Variants in SYT1 observed in about 807,000 individuals in gnomAD.
SYT1 encodes synaptotagmin 1, also known as synaptotagmin-1.
A neutral mutation model predicts 44.8 loss-of-function variants in SYT1; 8 were observed. The ratio of observed to expected loss-of-function variants is 0.18; its 90% CI spans 0.10 to 0.32. The LOEUF is 0.32. Ranked by LOEUF, SYT1 falls within the 10% of genes least tolerant of loss-of-function variation. SYT1 has a pLI of 1.00. For missense variants in SYT1, 286 were observed against 509.3 expected (o/e 0.56, Z 4.22); for synonymous variants, 154 against 188.8 (o/e 0.82, Z 1.51).
At chr12:79,093,882 T>A (rs755328242) in intron 3 of SYT1, among the ~76,000 whole-genome samples, 38 of 151,686 alleles carry the variant, frequency 2.5e-4, no homozygotes, top group Admixed American at 1.3e-3. Flanking sequence ...CCAGTGAAAA[T>A]CTAGGAAGTA....
At chr12:78,896,257 G>C (rs147092052) in intron 1 of SYT1, among the ~76,000 whole-genome samples, 4,529 of 151,596 alleles carry the variant, frequency 0.03, 102 homozygotes, top group Non-Finnish European at 0.046. Context: ...CTATGGTTTT[G>C]CTAAATAGTG....
chr12:79,402,681 CTG>C (rs1305222257), intron 9 of SYT1, among the ~76,000 whole-genome samples: 1 of 152,136 alleles, frequency 6.6e-6, no homozygotes, highest in Non-Finnish European at 1.5e-5. Context: ...GTAGAGATCT[CTG>C]TGAAAGCTCA....
At chr12:79,373,357 TA>T (rs1320884210) in intron 9 of SYT1, among the ~76,000 whole-genome samples, 1 of 152,114 alleles carries the variant, frequency 6.6e-6, no homozygotes, top group Non-Finnish European at 1.5e-5. Flanking sequence ...TATAGTAATA[TA>T]AAATGGACAT....
In SYT1 at chr12:79,232,953, T is replaced by C. The variant is rs1875955155; in HGVS notation, c.166+15268T>C. Among the ~76,000 whole-genome samples, 5 of 152,230 alleles carry C rather than the reference T, an allele frequency of 3.3e-5. No individual in the cohort carries two copies. In the South Asian group the frequency reaches 1.0e-3, roughly 32 times the overall value. On this transcript the variant is annotated intron_variant, in intron 4 of 10. Transcript: ENST00000261205. ...TTCTGCCATGCCCTCTACCCCACTC[T>C]ACTTTACAATACATCTTTGCTTTTT...
intron 3 of SYT1, among the ~76,000 whole-genome samples, chr12:79,123,309 ATGTGTGTGTGTGTG>A (rs66869713): frequency 2.6e-4 from 37 of 141,632 alleles, no homozygotes; most frequent in African/African-American, 8.8e-4. Flanking sequence ...TAAAAATGCA[ATGTGTGTGTGTGTG>A]TGTGTGTGTG....
At chr12:79,440,353 TA>T (rs1870340091) in intron 9 of SYT1, among the ~76,000 whole-genome samples, 1 of 152,206 alleles carries the variant, frequency 6.6e-6, no homozygotes, top group Non-Finnish European at 1.5e-5. Context: ...TGTCAGTATT[TA>T]GATGATGAAG....
intron 8 of SYT1, among the ~76,000 whole-genome samples, chr12:79,324,037 A>G (rs60090058): frequency 0.024 from 3,257 of 134,860 alleles, 111 homozygotes; most frequent in African/African-American, 0.087. Context: ...TACCACCTCC[A>G]CCTCCCGTGT....
chr12:79,409,444 A>G (rs1332338016), intron 9 of SYT1, among the ~76,000 whole-genome samples: 2 of 152,228 alleles, frequency 1.3e-5, no homozygotes, highest in East Asian at 3.9e-4. Flanking sequence ...CAACTGCACA[A>G]AATTTTTGAT....
intron 6 of SYT1, among the ~76,000 whole-genome samples, chr12:79,294,932 A>T (rs1024129578): frequency 6.6e-6 from 1 of 152,112 alleles, no homozygotes; most frequent in African/African-American, 2.4e-5. Context: ...TAGAAACAAC[A>T]TAATCATTCA....
chr12:79,421,377 C>T (rs948370946), intron 9 of SYT1, among the ~76,000 whole-genome samples: 5 of 151,996 alleles, frequency 3.3e-5, no homozygotes, highest in African/African-American at 9.7e-5. Flanking sequence ...TTCTAAGGTG[C>T]GCCATTTAGA....
intron 9 of SYT1, chr12:79,419,366 C>G (rs769528403): frequency 2.2e-6 from 1 of 461,604 alleles, no homozygotes; most frequent in South Asian, 1.6e-5. Flanking sequence ...TCCACTGCAC[C>G]CTTTCTCCAT....
intron 8 of SYT1, among the ~76,000 whole-genome samples, chr12:79,351,339 G>A (rs2136002136): frequency 6.6e-6 from 1 of 152,204 alleles, no homozygotes; most frequent in African/African-American, 2.4e-5. Context: ...GAAGACATTT[G>A]TGACATTTCT....
At chr12:78,892,751 C>T (rs1444605285) in intron 1 of SYT1, among the ~76,000 whole-genome samples, 1 of 151,646 alleles carries the variant, frequency 6.6e-6, no homozygotes, top group African/African-American at 2.4e-5. Flanking sequence ...TTTAGCAATA[C>T]ATTAATCACC....
chr12:79,114,659 T>C (rs944302118), intron 3 of SYT1, among the ~76,000 whole-genome samples: 1 of 152,190 alleles, frequency 6.6e-6, no homozygotes, highest in African/African-American at 2.4e-5. Context: ...TTTATTGAGA[T>C]AGAACACAGC....
intron 3 of SYT1, among the ~76,000 whole-genome samples, chr12:79,111,113 A>G (rs1178767665): frequency 6.6e-6 from 1 of 152,150 alleles, no homozygotes; most frequent in Non-Finnish European, 1.5e-5. Flanking sequence ...CCTCACTTAA[A>G]AGCTTAAAAA....
At chr12:78,908,948 A>G (rs1470461276) in intron 1 of SYT1, among the ~76,000 whole-genome samples, 3 of 152,012 alleles carry the variant, frequency 2.0e-5, no homozygotes, top group African/African-American at 7.2e-5. Context: ...TTATTAATAT[A>G]TAATTAAGGC....
chr12:79,227,849 T>C (rs1875613783), intron 4 of SYT1, among the ~76,000 whole-genome samples: 1 of 152,162 alleles, frequency 6.6e-6, no homozygotes, highest in South Asian at 2.1e-4. Context: ...ACTCAAGCTG[T>C]CACTTTAACA....
At chr12:79,081,559 T>TAGTGGAGAC (rs1877035378) in intron 3 of SYT1, among the ~76,000 whole-genome samples, 1 of 151,972 alleles carries the variant, frequency 6.6e-6, no homozygotes, top group African/African-American at 2.4e-5. Flanking sequence ...TTTTATTTTT[T>TAGTGGAGAC]AGTGGAGACG....
At chr12:78,929,276 C>A (rs1302234827) in intron 1 of SYT1, among the ~76,000 whole-genome samples, 3 of 151,114 alleles carry the variant, frequency 2.0e-5, no homozygotes, top group Non-Finnish European at 4.4e-5. Context: ...GCAGCACATG[C>A]CTGTAGTCCC....
Sources: allele counts gnomAD v4.1 joint callset (sites outside exome capture counted in the v4.1 genomes callset), GRCh38; gene constraint gnomAD v4.1.1; transcripts MANE v1.5; gene names NCBI Gene and HGNC (gene_info 2026-07-23, HGNC 2026-07-21).